Variants in PLEKHA6 observed in about 807,000 individuals in gnomAD.
PLEKHA6 encodes the protein pleckstrin homology domain-containing family A member 6.
A neutral mutation model predicts 116.7 loss-of-function variants in PLEKHA6; 60 were observed. The ratio of observed to expected loss-of-function variants is 0.51; its 90% confidence interval spans 0.42 to 0.64. PLEKHA6 has a LOEUF of 0.64. Ranked by LOEUF, PLEKHA6 falls within the 30% of genes least tolerant of loss-of-function variation. The pLI is 0.00. For missense variants in PLEKHA6, 1,338 were observed against 1,422.7 expected (o/e 0.94, Z 0.96); for synonymous variants, 489 against 556.1 (o/e 0.88, Z 1.70).
rs571073005 is a variant in PLEKHA6 at position 204,285,425 on chromosome 1, T to C, written c.-94-10616A>G. On this transcript the variant is annotated intron_variant, in intron 1 of 22. Coordinates refer to ENST00000272203, the MANE Select transcript of PLEKHA6 (RefSeq NM_014935.5). ...CTGGACAATCCATTGTTTTCGTTTT[T>C]TTGGGTTTTTTGTTGTTTTTGTTGT... Among the ~76,000 whole-genome samples, 1,175 of 152,270 alleles carry C rather than the reference T, an allele frequency of 7.7e-3. 15 individuals carry two copies. Among genetic ancestry groups the C allele is most frequent in the African/African-American group, 0.027 (1,130 of 41,550 alleles).
rs764617836 is a variant in PLEKHA6 at position 204,261,057 on chromosome 1, A to G, written c.524+249T>C. 3.4e-4 allele frequency among the ~76,000 whole-genome samples: 51 copies of G among 152,140 alleles called. No homozygotes were observed. Among genetic ancestry groups the G allele is most frequent in the Non-Finnish European group, 6.9e-4 (47 of 68,006 alleles). On this transcript the variant is annotated intron_variant, in intron 7 of 22. Coordinates refer to ENST00000272203, the MANE Select transcript of PLEKHA6 (RefSeq NM_014935.5). The surrounding 1 kb of genome is among the most constrained non-coding windows in gnomAD (Gnocchi z 4.0). ...ACCTCTGGCTCCTGGCCAGACCCCA[A>G]TGGAACCTGGCTTTTCTCTTGGCCT...
intron 9 of PLEKHA6, among the ~76,000 whole-genome samples, chr1:204,252,442 G>C (rs768345554): frequency 1.3e-5 from 2 of 151,910 alleles, no homozygotes; most frequent in African/African-American, 2.4e-5. Context: ...AATGGGAAAG[G>C]ACCAAAAAGT....
At chr1:204,285,603 G>A (rs1436926363) in intron 1 of PLEKHA6, among the ~76,000 whole-genome samples, 1 of 152,094 alleles carries the variant, frequency 6.6e-6, no homozygotes, top group Admixed American at 6.5e-5. Flanking sequence ...AGCCTCCCCA[G>A]TAGCTGGAAC....
At chr1:204,372,947 A>G (rs1673803743) in intron 1 of PLEKHA6, among the ~76,000 whole-genome samples, 1 of 150,074 alleles carries the variant, frequency 6.7e-6, no homozygotes, top group South Asian at 2.1e-4. Context: ...TCACTCTGCC[A>G]TCCAGACTGG....
At chr1:204,321,253 A>C (rs1470066950) in intron 1 of PLEKHA6, among the ~76,000 whole-genome samples, 1 of 152,134 alleles carries the variant, frequency 6.6e-6, no homozygotes, top group Non-Finnish European at 1.5e-5. Context: ...CAGGCAGGCT[A>C]CAAGCCTCTC....
intron 9 of PLEKHA6, among the ~76,000 whole-genome samples, chr1:204,253,435 C>G (rs540474992): frequency 6.6e-6 from 1 of 152,164 alleles, no homozygotes; most frequent in South Asian, 2.1e-4. Flanking sequence ...AGAGTACTAC[C>G]TACGTGAACC....
At chr1:204,281,947 C>T (rs564716253) in intron 1 of PLEKHA6, among the ~76,000 whole-genome samples, 1 of 152,142 alleles carries the variant, frequency 6.6e-6, no homozygotes, top group African/African-American at 2.4e-5. Flanking sequence ...AGGCTGGGGG[C>T]CTTCTACGTG....
At chr1:204,224,807 C>A (rs556783403) in intron 21 of PLEKHA6, among the ~76,000 whole-genome samples, 1 of 152,350 alleles carries the variant, frequency 6.6e-6, no homozygotes, top group Non-Finnish European at 1.5e-5. Flanking sequence ...TTCAAACACA[C>A]ATTCGTGTGC....
intron 1 of PLEKHA6, among the ~76,000 whole-genome samples, chr1:204,300,516 C>A (rs2103081946): frequency 6.6e-6 from 1 of 152,344 alleles, no homozygotes; most frequent in South Asian, 2.1e-4. Flanking sequence ...ATTTAGCTTC[C>A]TCTCTTCTGA....
intron 17 of PLEKHA6, among the ~76,000 whole-genome samples, chr1:204,231,915 T>A (rs1661237725): frequency 2.6e-5 from 4 of 152,124 alleles, no homozygotes; most frequent in Admixed American, 2.0e-4. Context: ...TTTTTTAGTA[T>A]TTTTCCCCTG....
chr1:204,349,043 G>T (rs1488495456), intron 1 of PLEKHA6, among the ~76,000 whole-genome samples: 1 of 152,130 alleles, frequency 6.6e-6, no homozygotes, highest in East Asian at 1.9e-4. Context: ...CCTCAGACAC[G>T]GAGGGAACAC....
intron 1 of PLEKHA6, among the ~76,000 whole-genome samples, chr1:204,312,050 T>G (rs1671674362): frequency 6.6e-6 from 1 of 152,124 alleles, no homozygotes; most frequent in South Asian, 2.1e-4. Flanking sequence ...ACTCTGGAGG[T>G]GGGTGGTGGT....
chr1:204,336,218 C>A (rs1672642445), intron 1 of PLEKHA6, among the ~76,000 whole-genome samples: 1 of 152,142 alleles, frequency 6.6e-6, no homozygotes, highest in South Asian at 2.1e-4. Context: ...TCCAGCAACC[C>A]ACCTGCACCA....
intron 1 of PLEKHA6, among the ~76,000 whole-genome samples, chr1:204,311,987 G>A (rs1178099263): frequency 6.6e-6 from 1 of 152,170 alleles, no homozygotes; most frequent in Non-Finnish European, 1.5e-5. Context: ...TAATGCTTGA[G>A]CCAGTGCTGG....
chr1:204,337,399 T>C (rs1377403941), intron 1 of PLEKHA6, among the ~76,000 whole-genome samples: 1 of 152,154 alleles, frequency 6.6e-6, no homozygotes, highest in Non-Finnish European at 1.5e-5. Flanking sequence ...ACCTTCTTAC[T>C]AGCCTACATC....
At chr1:204,243,167 G>C (rs529628497) in intron 15 of PLEKHA6, 8 of 399,454 alleles carry the variant, frequency 2.0e-5, no homozygotes, top group South Asian at 1.3e-4. Context: ...CTGGGGTAGG[G>C]CCAGAAGCGG....
intron 17 of PLEKHA6, among the ~76,000 whole-genome samples, chr1:204,237,207 C>T (rs1029534816): frequency 7.2e-5 from 11 of 152,134 alleles, no homozygotes; most frequent in Non-Finnish European, 1.6e-4. Context: ...CAGACTCATC[C>T]TATGGTCATT....
intron 1 of PLEKHA6, chr1:204,347,286 T>A (rs1673097578): frequency 2.2e-6 from 2 of 907,102 alleles, no homozygotes; most frequent in African/African-American, 3.5e-5. Context: ...AGATGGCAGT[T>A]ATGGCCGAAA....
chr1:204,265,393 C>T lies in PLEKHA6; in HGVS notation c.281-351G>A, dbSNP rs567932618. ...TTCAGGCACTGTTCTAAGTGAAATG[C>T]CTTCATGGATTTAATCCTCCCAACA... is the stretch of plus-strand genomic sequence containing the variant. On this transcript the variant is annotated intron_variant, in intron 5 of 22. Transcript: ENST00000272203. Among the ~76,000 whole-genome samples, 50 of 152,280 alleles carry T rather than the reference C, an allele frequency of 3.3e-4. No individual in the cohort carries two copies. In the South Asian group the frequency reaches 9.1e-3, roughly 28 times the overall value.
Sources: allele counts gnomAD v4.1 joint callset (sites outside exome capture counted in the v4.1 genomes callset), GRCh38; gene constraint gnomAD v4.1.1; non-coding constraint Gnocchi (gnomAD v3.1); transcripts MANE v1.5; gene names NCBI Gene and HGNC (gene_info 2026-07-23, HGNC 2026-07-21).